AMPH: variants seen among roughly 807,000 people sequenced by gnomAD.
AMPH encodes amphiphysin (Stiff-Mann syndrome with breast cancer 128kD autoantigen).
AMPH carries 49 observed loss-of-function variants against 99.1 expected under a neutral mutation model. The observed-to-expected ratio is 0.49, with a 90% confidence interval of 0.39 to 0.63. The LOEUF is 0.63. Ranked by LOEUF, AMPH falls within the 20% of genes least tolerant of loss-of-function variation. AMPH has a pLI of 0.00. For synonymous variants in AMPH, 314 were observed against 317.3 expected (o/e 0.99, Z 0.11); for missense variants, 759 against 863.4 (o/e 0.88, Z 1.52).
chr7:38,418,421 C>T (rs1039851968), intron 16 of AMPH, among the ~76,000 whole-genome samples: 1 of 152,022 alleles, frequency 6.6e-6, no homozygotes, highest in Admixed American at 6.6e-5. Flanking sequence ...AGGAAGAAAT[C>T]GCAGGGCACA....
rs528773010 is a variant in AMPH at position 38,532,514 on chromosome 7, T to C, written c.150+2417A>G. Among the ~76,000 whole-genome samples the C allele has an allele frequency of 4.6e-5, 7 of 152,250 alleles. No homozygotes were observed. The East Asian group carries it at 1.2e-3, about 25-fold the overall frequency. ...ATATTTCTTGGGAGAACTAAGGTGG[T>C]AGTCTTCATGGGTGCTAATATACTA... On this transcript the variant is annotated intron_variant, in intron 2 of 20. Coordinates refer to ENST00000356264, the MANE Select transcript of AMPH (RefSeq NM_001635.4).
chr7:38,388,238 C>T (rs1322933889), intron 20 of AMPH, among the ~76,000 whole-genome samples: 1 of 151,852 alleles, frequency 6.6e-6, no homozygotes, highest in Non-Finnish European at 1.5e-5. Context: ...TATTTCTTTA[C>T]AAAATAACTT....
At chr7:38,631,168 C>CG in intron 1 of AMPH, 115 bp downstream of exon 1, 2 of 953,158 alleles carry the variant, frequency 2.1e-6, no homozygotes, top group Non-Finnish European at 2.7e-6. Context: ...GCCCCGGCCC[C>CG]GCTCCGCAGC....
intron 11 of AMPH, among the ~76,000 whole-genome samples, chr7:38,442,281 T>C (rs2128999063): frequency 6.6e-6 from 1 of 152,150 alleles, no homozygotes; most frequent in South Asian, 2.1e-4. Context: ...TGTTAAAGAG[T>C]ACAGCATGAA....
chr7:38,503,154 T>C (rs568639274), intron 3 of AMPH, among the ~76,000 whole-genome samples: 7 of 152,228 alleles, frequency 4.6e-5, no homozygotes, highest in Non-Finnish European at 1.0e-4. Flanking sequence ...TGCCTGTGCA[T>C]TGCACGTCGG....
At chr7:38,428,101 G>A (rs1785852637) in intron 14 of AMPH, 1 of 456,764 alleles carries the variant, frequency 2.2e-6, no homozygotes, top group Non-Finnish European at 4.4e-6. Flanking sequence ...ACATCTGAAT[G>A]TGTCCAGCTA....
intron 1 of AMPH, among the ~76,000 whole-genome samples, chr7:38,617,796 C>T (rs759991176): frequency 2.0e-4 from 30 of 151,908 alleles, no homozygotes; most frequent in Non-Finnish European, 4.1e-4. Context: ...TAAGATGTTG[C>T]ATATATCTTG....
chr7:38,605,700 C>T (rs1033480724), intron 1 of AMPH, among the ~76,000 whole-genome samples: 3 of 152,038 alleles, frequency 2.0e-5, no homozygotes, highest in East Asian at 1.9e-4. Flanking sequence ...CTCAGCCTCC[C>T]GAGTAGCTGG....
intron 5 of AMPH, among the ~76,000 whole-genome samples, chr7:38,482,664 C>G (rs528756856): frequency 6.6e-6 from 1 of 152,052 alleles, no homozygotes; most frequent in South Asian, 2.1e-4. Context: ...AAAAAACTTT[C>G]AGATGTTTGC....
At chr7:38,555,468 C>T in intron 1 of AMPH, among the ~76,000 whole-genome samples, 1 of 152,084 alleles carries the variant, frequency 6.6e-6, no homozygotes, top group East Asian at 1.9e-4. Context: ...AATTCATAGT[C>T]CCCTCATTGA....
chr7:38,523,994 T>C lies in AMPH; in HGVS notation c.150+10937A>G, dbSNP rs535177000. On this transcript the variant is annotated intron_variant, in intron 2 of 20. Transcript: ENST00000356264. ...GAGATACCTGGCAGATATCATCTTA[T>C]CTTACTAGAGATACCTGCATATCAT... Among the ~76,000 whole-genome samples, 13 of 152,320 alleles carry C rather than the reference T, an allele frequency of 8.5e-5. No homozygotes were observed. The East Asian group carries it at 2.3e-3, about 27-fold the overall frequency.
At chr7:38,427,744 A>AGTGC (rs1785838605) in intron 14 of AMPH, 1 of 369,690 alleles carries the variant, frequency 2.7e-6, no homozygotes, top group African/African-American at 2.1e-5. Flanking sequence ...CTCCTAGAAG[A>AGTGC]TAGTGATGGA....
At chr7:38,494,409 C>G in intron 4 of AMPH, 24 bp downstream of exon 4, 1 of 1,607,514 alleles carries the variant, frequency 6.2e-7, no homozygotes. Context: ...GTGGGAGCCT[C>G]ATGGAAGCCA....
chr7:38,452,461 C>T (rs1787073601), intron 11 of AMPH, among the ~76,000 whole-genome samples: 1 of 152,072 alleles, frequency 6.6e-6, no homozygotes, highest in Admixed American at 6.5e-5. Flanking sequence ...ACATTATTGT[C>T]TGGATGATAC....
intron 17 of AMPH, among the ~76,000 whole-genome samples, chr7:38,409,960 C>T (rs1310004178): frequency 1.3e-5 from 2 of 152,162 alleles, no homozygotes; most frequent in Non-Finnish European, 2.9e-5. Context: ...TTAATGCAAA[C>T]GTAAATACCA....
chr7:38,608,907 C>T (rs959886398), intron 1 of AMPH, among the ~76,000 whole-genome samples: 19 of 152,308 alleles, frequency 1.2e-4, no homozygotes, highest in Non-Finnish European at 8.8e-5. Flanking sequence ...TTCTAAGCAA[C>T]ACAACGGGCA....
chr7:38,607,197 C>G (rs1164341675), intron 1 of AMPH, among the ~76,000 whole-genome samples: 1 of 152,154 alleles, frequency 6.6e-6, no homozygotes, highest in African/African-American at 2.4e-5. Flanking sequence ...ATGACACATT[C>G]AGAGAAATGC....
chr7:38,404,067 C>T (rs1176499865), intron 17 of AMPH, among the ~76,000 whole-genome samples: 1 of 152,132 alleles, frequency 6.6e-6, no homozygotes, highest in East Asian at 1.9e-4. Flanking sequence ...TGCTGATAGC[C>T]ACCAGAGAGG....
At position 38,388,257 on chromosome 7, in the gene AMPH, T is replaced by C. The variant is rs537021659; in HGVS notation, c.1980+1547A>G. Among the ~76,000 whole-genome samples, 57 of 152,094 alleles carry C rather than the reference T, an allele frequency of 3.7e-4. 1 individual carries two copies. Among genetic ancestry groups the C allele is most frequent in the African/African-American group, 1.4e-3 (56 of 41,452 alleles). On this transcript the variant is annotated intron_variant, in intron 20 of 20. Coordinates refer to ENST00000356264, the MANE Select transcript of AMPH (RefSeq NM_001635.4). ...TCTTTACAAAATAACTTCTGGTTAA[T>C]GCAGACAAAAATCCCATTATAAATG...
Sources: allele counts gnomAD v4.1 joint callset (sites outside exome capture counted in the v4.1 genomes callset), GRCh38; gene constraint gnomAD v4.1.1; transcripts MANE v1.5; gene names NCBI Gene and HGNC (gene_info 2026-07-23, HGNC 2026-07-21).